LAMA2: variants seen among roughly 807,000 people sequenced by gnomAD.
LAMA2 encodes laminin subunit alpha-2.
Under a neutral mutation model 364.8 loss-of-function variants are expected in LAMA2, and 269 were observed. The observed-to-expected ratio is 0.74, with a 90% CI of 0.67 to 0.82. The LOEUF (loss-of-function observed/expected upper bound fraction) is 0.82. Ranked by LOEUF, LAMA2 falls within the 40% of genes least tolerant of loss-of-function variation. The probability of loss-of-function intolerance (pLI) is 0.00; values close to 1 mark genes in which losing one functional copy is unlikely to be tolerated. For synonymous variants in LAMA2, 1,379 were observed against 1,370.6 expected (o/e 1.01, Z -0.14); for missense variants, 3,807 against 3,873.2 (o/e 0.98, Z 0.45).
intron 1 of LAMA2, among the ~76,000 whole-genome samples, chr6:128,954,058 T>A (rs1027953887): frequency 1.3e-5 from 2 of 152,160 alleles, no homozygotes; most frequent in Non-Finnish European, 2.9e-5. Flanking sequence ...TAGGTCAAGA[T>A]TGTTTGAAAG....
intron 1 of LAMA2, among the ~76,000 whole-genome samples, chr6:129,028,693 T>C (rs1786009603): frequency 6.6e-6 from 1 of 151,898 alleles, no homozygotes; most frequent in Non-Finnish European, 1.5e-5. Flanking sequence ...AAACATTTCA[T>C]TCAATAAGTT....
In LAMA2 at chr6:129,267,251, G is replaced by C. The variant is rs762677885; in HGVS notation, c.2322+32G>C. The stretch of plus-strand genomic sequence containing the variant: ...GCTCTCTTCTTTGGGGATGCTGATT[G>C]ACAAGGCTGAAATCACCTCGACAGA... On this transcript the variant is annotated intron_variant, in intron 16 of 64. Transcript: ENST00000421865. The C allele has an allele frequency of 2.7e-5, 38 of 1,402,278 alleles. No individual in the cohort carries two copies. In the South Asian group the frequency reaches 4.4e-4, roughly 16 times the overall value. 86.9% of individuals were successfully genotyped at this position (1,402,278 alleles called of 1,614,324 possible). A position where few individuals can be genotyped will look rare whatever the true frequency, so the allele number is the denominator to read the frequency against.
chr6:129,037,021 A>C (rs1015805236), intron 1 of LAMA2, among the ~76,000 whole-genome samples: 2 of 152,222 alleles, frequency 1.3e-5, no homozygotes, highest in African/African-American at 4.8e-5. Flanking sequence ...ATATGCTCTG[A>C]CACACCCACA....
intron 9 of LAMA2, among the ~76,000 whole-genome samples, chr6:129,175,910 C>G (rs750365859): frequency 6.6e-6 from 1 of 151,836 alleles, no homozygotes; most frequent in Admixed American, 6.6e-5. Flanking sequence ...TCTTTTGATA[C>G]CCTTGATTAG....
chr6:129,038,715 A>T (rs144943596), intron 1 of LAMA2, among the ~76,000 whole-genome samples: 1 of 152,180 alleles, frequency 6.6e-6, no homozygotes, highest in Admixed American at 6.5e-5. Context: ...TACATGCCCT[A>T]ACTGCTATAG....
chr6:129,099,711 C>T (rs1775408281), intron 4 of LAMA2, among the ~76,000 whole-genome samples: 1 of 152,192 alleles, frequency 6.6e-6, no homozygotes, highest in Admixed American at 6.5e-5. Flanking sequence ...ATCTGTCAGA[C>T]CCTCATTAGG....
intron 8 of LAMA2, among the ~76,000 whole-genome samples, chr6:129,161,729 A>G (rs939097187): frequency 5.3e-5 from 8 of 152,190 alleles, no homozygotes; most frequent in African/African-American, 1.4e-4. Flanking sequence ...GTTTAGCTCC[A>G]CTCATAAGAG....
chr6:129,465,803 C>G (rs1783512422), intron 51 of LAMA2, among the ~76,000 whole-genome samples: 3 of 151,940 alleles, frequency 2.0e-5, no homozygotes, highest in Admixed American at 2.0e-4. Flanking sequence ...TATCTGATCA[C>G]ATAAGCAGGT....
Position 129,507,648 on chromosome 6 carries a change from G to C in LAMA2, c.8857+6G>C. 1 of 1,613,912 alleles carries C rather than the reference G, an allele frequency of 6.2e-7. No homozygotes were observed. The highest frequency in any genetic ancestry group is 1.3e-5 in the African/African-American group (1 of 75,026). The stretch of plus-strand genomic sequence containing the variant: ...AACCGGTTTTGCCAAAGCAGGTAAG[G>C]CTCTTTCATTTCCTTCCTGTTGATT... On this transcript the variant is annotated splice_donor_region_variant and intron_variant, in intron 62 of 64. Transcript: ENST00000421865.
intron 1 of LAMA2, among the ~76,000 whole-genome samples, chr6:128,912,150 TTATC>T (rs1778009663): frequency 2.6e-5 from 4 of 152,214 alleles, no homozygotes; most frequent in Non-Finnish European, 5.9e-5. Context: ...TTTGTCATGT[TTATC>T]TGGGAGTAAA....
chr6:129,212,610 T>G (rs1783173947), intron 12 of LAMA2, among the ~76,000 whole-genome samples: 1 of 152,170 alleles, frequency 6.6e-6, no homozygotes, highest in Non-Finnish European at 1.5e-5. Flanking sequence ...CATTTTTCTA[T>G]GAGAGTCATA....
intron 1 of LAMA2, among the ~76,000 whole-genome samples, chr6:128,940,953 C>A (rs1049695998): frequency 1.3e-5 from 2 of 151,808 alleles, no homozygotes; most frequent in Non-Finnish European, 1.5e-5. Context: ...CCTGTCCCCC[C>A]CAAAATTTTT....
At chr6:129,326,091 C>A (rs1391539961) in intron 28 of LAMA2, among the ~76,000 whole-genome samples, 1 of 152,198 alleles carries the variant, frequency 6.6e-6, no homozygotes, top group Non-Finnish European at 1.5e-5. Context: ...CCAGCCACCT[C>A]AGCCTCCCAA....
chr6:129,051,183 G>GTA (rs1383271168), intron 2 of LAMA2, among the ~76,000 whole-genome samples: 2 of 138,616 alleles, frequency 1.4e-5, no homozygotes, highest in Non-Finnish European at 3.0e-5. Flanking sequence ...CTCTCTCTCT[G>GTA]TATATATATA....
intron 12 of LAMA2, among the ~76,000 whole-genome samples, chr6:129,209,838 C>T (rs1773210329): frequency 6.6e-6 from 1 of 151,676 alleles, no homozygotes; most frequent in African/African-American, 2.4e-5. Context: ...CCCATCTCTA[C>T]TAAATATACA....
chr6:129,315,273 G>A (rs1774508096), intron 24 of LAMA2, among the ~76,000 whole-genome samples: 1 of 152,188 alleles, frequency 6.6e-6, no homozygotes, highest in South Asian at 2.1e-4. Context: ...AGTGTCCACA[G>A]ATATTGTGGC....
chr6:129,173,364 G>A (rs1016747670), intron 9 of LAMA2, among the ~76,000 whole-genome samples: 1 of 151,948 alleles, frequency 6.6e-6, no homozygotes, highest in Non-Finnish European at 1.5e-5. Flanking sequence ...TTTTTATTAT[G>A]TGTTTCTTCT....
intron 1 of LAMA2, among the ~76,000 whole-genome samples, chr6:128,951,590 T>C (rs1301811419): frequency 6.6e-6 from 1 of 152,182 alleles, no homozygotes; most frequent in Non-Finnish European, 1.5e-5. Flanking sequence ...CAAAGTAATC[T>C]ATAGTGATCT....
chr6:129,222,031 AAAT>A (rs1245718590), intron 12 of LAMA2, among the ~76,000 whole-genome samples: 5 of 152,204 alleles, frequency 3.3e-5, no homozygotes, highest in African/African-American at 1.2e-4. Flanking sequence ...AAATGTAAGA[AAAT>A]AATATAAACA....
Sources: gnomAD v4.1 joint callset for allele counts (sites outside exome capture counted in the v4.1 genomes callset) on GRCh38, gnomAD v4.1.1 for gene constraint, MANE v1.5 for transcripts, NCBI Gene and HGNC (gene_info 2026-07-23, HGNC 2026-07-21) for gene names.